Variants in STAU1 observed in about 807,000 individuals in gnomAD.
STAU1 encodes the protein staufen double-stranded RNA binding protein 1, also known as double-stranded RNA-binding protein Staufen homolog 1.
A neutral mutation model predicts 62.9 loss-of-function variants in STAU1; 13 were observed. The observed-to-expected ratio is 0.21, with a 90% CI of 0.13 to 0.33. The LOEUF is 0.33. STAU1 is among the 10% of genes least tolerant of loss of function. The pLI is 1.00. For missense variants in STAU1, 571 were observed against 712.1 expected (o/e 0.80, Z 2.25); for synonymous variants, 269 against 265.1 (o/e 1.01, Z -0.14).
rs1227837086 is a variant in STAU1 at position 49,123,157 on chromosome 20, TCTC to T, written c.898_900del (p.Glu300del). On this transcript the variant is annotated inframe_deletion, in exon 8 of 14. Coordinates refer to ENST00000371856, the MANE Select transcript of STAU1 (RefSeq NM_017453.4). ...GTGAGGAGCGTGTACTCTGGCTCCT[TCTC>T]CTTTTTTGCCTGCTGGATCTGGGCC... The T allele has an allele frequency of 1.2e-6, 2 of 1,614,092 alleles. No homozygotes were observed. Among genetic ancestry groups the T allele is most frequent in the East Asian group, 2.2e-5 (1 of 44,860 alleles).
intron 1 of STAU1, among the ~76,000 whole-genome samples, chr20:49,181,210 T>G (rs111749054): frequency 0.011 from 1,736 of 152,318 alleles, 39 homozygotes; most frequent in African/African-American, 0.039. Context: ...ACTTTTATAT[T>G]ATTAGGTAAA....
At chr20:49,201,044 CAAAAA>C in the STAU1 span, among the ~76,000 whole-genome samples, 23 of 31,502 alleles carry the variant, frequency 7.3e-4, no homozygotes, top group South Asian at 5.7e-3. Flanking sequence ...GACCCACTCT[CAAAAA>C]AAAAAAAAAA....
intron 5 of STAU1, among the ~76,000 whole-genome samples, chr20:49,141,022 C>T (rs999915400): frequency 1.3e-5 from 2 of 150,998 alleles, no homozygotes; most frequent in East Asian, 1.9e-4. Context: ...AAGAACTGTG[C>T]CAATGAGAAT....
At chr20:49,154,258 TAC>T (rs1267072633) in intron 3 of STAU1, among the ~76,000 whole-genome samples, 187 bp from the exon 4 acceptor site, 1 of 152,196 alleles carries the variant, frequency 6.6e-6, no homozygotes, top group African/African-American at 2.4e-5. Flanking sequence ...TAGATATTTA[TAC>T]ACAGTCGACA....
At chr20:49,178,909 T>TAAAA (rs11324304) in intron 1 of STAU1, among the ~76,000 whole-genome samples, 6 of 116,410 alleles carry the variant, frequency 5.2e-5, no homozygotes, top group Middle Eastern at 4.4e-3. Flanking sequence ...CCGTCTCCAC[T>TAAAA]AAAAAAAAAA....
chr20:49,186,830 C>T lies in STAU1; in HGVS notation c.-160+1286G>A, dbSNP rs112435720. On this transcript the variant is annotated intron_variant, in intron 1 of 13. Transcript: ENST00000371856. ...GAACCTGATTTAACTCCACCACGCT[C>T]TTAACAATGAAAGCTACAAGCAGAA... is the stretch of plus-strand genomic sequence containing the variant. 1.4e-4 allele frequency among the ~76,000 whole-genome samples: 21 copies of T among 152,018 alleles called. 2 individuals carry two copies. The highest frequency in any genetic ancestry group is 5.1e-4 in the African/African-American group (21 of 41,464).
At chr20:49,193,975 A>T in the STAU1 span, among the ~76,000 whole-genome samples, 2 of 4,018 alleles carry the variant, frequency 5.0e-4, no homozygotes, top group Non-Finnish European at 6.9e-3. Flanking sequence ...AGAAAAAAGA[A>T]AAAAAAAAAA....
chr20:49,199,160 C>T, the STAU1 span, among the ~76,000 whole-genome samples: 4 of 151,310 alleles, frequency 2.6e-5, no homozygotes, highest in Admixed American at 6.6e-5. Flanking sequence ...CAAAACAAAA[C>T]GGACAACACC....
chr20:49,178,057 G>C (rs931299322), intron 1 of STAU1, among the ~76,000 whole-genome samples: 3 of 152,086 alleles, frequency 2.0e-5, no homozygotes, highest in African/African-American at 7.2e-5. Context: ...TGCACCTGTA[G>C]TCTCAGCTAC....
chr20:49,209,406 C>T, the STAU1 span, among the ~76,000 whole-genome samples: 4 of 143,946 alleles, frequency 2.8e-5, no homozygotes, highest in East Asian at 8.2e-4. Flanking sequence ...AATAAATTGG[C>T]TTACAACATA....
At chr20:49,188,806 G>A (rs137980409), upstream of STAU1, among the ~76,000 whole-genome samples, 1 of 152,238 alleles carries the variant, frequency 6.6e-6, no homozygotes, top group Non-Finnish European at 1.5e-5. Context: ...CAAGAGCTAA[G>A]AATGTAGTGG....
chr20:49,164,068 C>T (rs1352159109), intron 3 of STAU1, among the ~76,000 whole-genome samples: 2 of 152,038 alleles, frequency 1.3e-5, no homozygotes, highest in South Asian at 4.1e-4. Flanking sequence ...CCCATCTCTA[C>T]TAAAAATACA....
At chr20:49,146,859 A>G (rs573529569) in intron 5 of STAU1, among the ~76,000 whole-genome samples, 39 of 152,154 alleles carry the variant, frequency 2.6e-4, no homozygotes, top group African/African-American at 8.9e-4. Context: ...GGATAAACGT[A>G]GCCAAGTTTT....
At chr20:49,172,556 C>G in intron 2 of STAU1, among the ~76,000 whole-genome samples, 1 of 152,158 alleles carries the variant, frequency 6.6e-6, no homozygotes. Flanking sequence ...ACAGGCTTTT[C>G]CTTTCAGAAA....
the STAU1 span, among the ~76,000 whole-genome samples, chr20:49,217,160 T>G: frequency 6.6e-6 from 1 of 151,510 alleles, no homozygotes; most frequent in African/African-American, 2.4e-5. Flanking sequence ...AACCCCCCAC[T>G]CCCCGGCGCT....
chr20:49,177,406 T>C (rs558131418), intron 1 of STAU1, among the ~76,000 whole-genome samples: 3 of 152,112 alleles, frequency 2.0e-5, no homozygotes, highest in Non-Finnish European at 4.4e-5. Context: ...GGGCCGGGCA[T>C]GTGGACTCAC....
chr20:49,119,130 C>A (rs2092404902), intron 9 of STAU1, among the ~76,000 whole-genome samples: 1 of 152,138 alleles, frequency 6.6e-6, no homozygotes, highest in Non-Finnish European at 1.5e-5. Context: ...AGAAGGTCAG[C>A]CATGGCTTTT....
At chr20:49,200,462 G>C in the STAU1 span, among the ~76,000 whole-genome samples, 2 of 152,164 alleles carry the variant, frequency 1.3e-5, no homozygotes, top group African/African-American at 2.4e-5. Flanking sequence ...TTAGCTGGGC[G>C]TGGTGGCGGG....
chr20:49,141,501 A>G (rs1049666983), intron 5 of STAU1, among the ~76,000 whole-genome samples: 1 of 152,308 alleles, frequency 6.6e-6, no homozygotes, highest in African/African-American at 2.4e-5. Flanking sequence ...TGAAGCAAAA[A>G]GATCACTTGA....
Sources: allele counts gnomAD v4.1 joint callset (sites outside exome capture counted in the v4.1 genomes callset), GRCh38; gene constraint gnomAD v4.1.1; transcripts MANE v1.5; gene names NCBI Gene and HGNC (gene_info 2026-07-23, HGNC 2026-07-21).